TCF12: variants seen among roughly 807,000 people sequenced by gnomAD.
TCF12 encodes DNA-binding protein HTF4.
In TCF12, 45 loss-of-function variants were observed where a neutral mutation model predicts 86.0. The ratio of observed to expected loss-of-function variants is 0.52; its 90% confidence interval spans 0.41 to 0.67. The LOEUF is 0.67. Among genes scored for constraint, TCF12 ranks in the 30% least tolerant of loss-of-function variants. The pLI is 0.00. For synonymous variants in TCF12, 330 were observed against 299.6 expected (o/e 1.10, Z -1.05); for missense variants, 881 against 859.9 (o/e 1.02, Z -0.31).
intron 3 of TCF12, among the ~76,000 whole-genome samples, chr15:56,981,041 T>C (rs11856338): frequency 0.72 from 108,931 of 152,066 alleles, 39,324 homozygotes; most frequent in East Asian, 0.79. Context: ...GCATTTTCAA[T>C]AATAAATTCC....
intron 6 of TCF12, among the ~76,000 whole-genome samples, chr15:57,166,828 A>T (rs1408824713): frequency 1.3e-5 from 2 of 152,222 alleles, no homozygotes; most frequent in South Asian, 2.1e-4. Context: ...TGTAATGTCA[A>T]ACTGATCATT....
intron 16 of TCF12, among the ~76,000 whole-genome samples, chr15:57,254,857 C>CAAAA (rs777934020): frequency 9.3e-4 from 95 of 102,234 alleles, no homozygotes; most frequent in African/African-American, 1.6e-3. Context: ...GACCCTGTCT[C>CAAAA]AAAAAAAAAA....
intron 4 of TCF12, among the ~76,000 whole-genome samples, chr15:57,068,291 A>G (rs370934122): frequency 6.6e-5 from 10 of 152,212 alleles, no homozygotes; most frequent in African/African-American, 1.9e-4. Flanking sequence ...TGAGTGCTAT[A>G]TAAGTGTTGG....
rs572683154 is a variant in TCF12, at chr15:57,026,643, A to G, written c.149-37107A>G. Among the ~76,000 whole-genome samples, 7 of 152,280 alleles carry G rather than the reference A, an allele frequency of 4.6e-5. No homozygotes were observed. The South Asian group carries it at 1.4e-3, about 32-fold the overall frequency. On this transcript the variant is annotated intron_variant, in intron 3 of 20. Transcript: ENST00000333725. ...ATGACTCTGCTTATTTTTTAGTTTC[A>G]TTGTATTTTATCCAGTACAGTATTT...
chr15:57,255,097 C>A (rs2060289098), intron 16 of TCF12, among the ~76,000 whole-genome samples: 1 of 152,116 alleles, frequency 6.6e-6, no homozygotes, highest in South Asian at 2.1e-4. Flanking sequence ...AGTTCTTATT[C>A]CTTACCTCTT....
chr15:57,189,213 A>C (rs972262484), intron 6 of TCF12, among the ~76,000 whole-genome samples: 1 of 152,238 alleles, frequency 6.6e-6, no homozygotes, highest in East Asian at 1.9e-4. Context: ...TCTTAGATAC[A>C]ACATCAAAAG....
At chr15:57,129,122 G>A (rs1020594457) in intron 5 of TCF12, among the ~76,000 whole-genome samples, 12 of 152,184 alleles carry the variant, frequency 7.9e-5, no homozygotes, top group Admixed American at 2.0e-4. Flanking sequence ...TCCCAAAGTG[G>A]CTCTGCACCA....
At chr15:57,262,604 A>G (rs1368504897) in intron 17 of TCF12, among the ~76,000 whole-genome samples, 1 of 152,186 alleles carries the variant, frequency 6.6e-6, no homozygotes, top group Non-Finnish European at 1.5e-5. Flanking sequence ...CATTTGATTG[A>G]AGAGACATGC....
intron 12 of TCF12, among the ~76,000 whole-genome samples, chr15:57,238,367 T>C (rs2059465357): frequency 1.3e-5 from 2 of 152,208 alleles, no homozygotes; most frequent in African/African-American, 4.8e-5. Flanking sequence ...ATTGTTTAAG[T>C]GTAAGGACAG....
chr15:57,001,937 C>T (rs899865849), intron 3 of TCF12, among the ~76,000 whole-genome samples: 1 of 152,150 alleles, frequency 6.6e-6, no homozygotes, highest in African/African-American at 2.4e-5. Flanking sequence ...ACAACCCTTA[C>T]ATAACTGTCC....
intron 3 of TCF12, among the ~76,000 whole-genome samples, chr15:56,992,461 A>T (rs549435172): frequency 6.6e-6 from 1 of 152,334 alleles, no homozygotes; most frequent in East Asian, 1.9e-4. Flanking sequence ...GAAATAAAAC[A>T]TGTCCTGAAT....
At chr15:57,214,595 C>T (rs2058256842) in intron 8 of TCF12, among the ~76,000 whole-genome samples, 1 of 152,180 alleles carries the variant, frequency 6.6e-6, no homozygotes, top group African/African-American at 2.4e-5. Flanking sequence ...AACAGTATGA[C>T]ATCTGATATC....
At chr15:56,941,816 C>G (rs1177353878) in intron 3 of TCF12, among the ~76,000 whole-genome samples, 2 of 151,966 alleles carry the variant, frequency 1.3e-5, no homozygotes, top group Admixed American at 1.3e-4. Flanking sequence ...AGCTCTAGGG[C>G]TATATCAGTC....
intron 3 of TCF12, among the ~76,000 whole-genome samples, chr15:57,022,572 G>C (rs1264920511): frequency 6.6e-6 from 1 of 152,126 alleles, no homozygotes; most frequent in African/African-American, 2.4e-5. Flanking sequence ...AATCCTTTGG[G>C]TATATACCCA....
chr15:57,223,400 T>C (rs1399632826), intron 8 of TCF12, among the ~76,000 whole-genome samples: 1 of 151,982 alleles, frequency 6.6e-6, no homozygotes, highest in Non-Finnish European at 1.5e-5. Context: ...TATACTACAT[T>C]GGAAAGAAAA....
At chr15:57,149,000 A>G (rs1356311374) in intron 5 of TCF12, among the ~76,000 whole-genome samples, 4 of 152,204 alleles carry the variant, frequency 2.6e-5, no homozygotes, top group African/African-American at 4.8e-5. Flanking sequence ...AGGATATACA[A>G]ATCCCTCGGA....
At chr15:56,978,571 G>A (rs1296880351) in intron 3 of TCF12, among the ~76,000 whole-genome samples, 1 of 152,124 alleles carries the variant, frequency 6.6e-6, no homozygotes, top group Non-Finnish European at 1.5e-5. Flanking sequence ...CAGCATTGTG[G>A]TTACTCCTCC....
At chr15:56,943,092 T>G (rs1346622654) in intron 3 of TCF12, among the ~76,000 whole-genome samples, 1 of 152,216 alleles carries the variant, frequency 6.6e-6, no homozygotes, top group Non-Finnish European at 1.5e-5. Context: ...GGTTTTCCTC[T>G]GTTCAGTTTC....
intron 3 of TCF12, among the ~76,000 whole-genome samples, chr15:56,990,703 T>A (rs2063410984): frequency 6.6e-6 from 1 of 152,196 alleles, no homozygotes; most frequent in Non-Finnish European, 1.5e-5. Flanking sequence ...TGGGTTATGA[T>A]TCTGAAATAC....
Sources: allele counts gnomAD v4.1 joint callset (sites outside exome capture counted in the v4.1 genomes callset), GRCh38; gene constraint gnomAD v4.1.1; transcripts MANE v1.5; gene names NCBI Gene and HGNC (gene_info 2026-07-23, HGNC 2026-07-21).